The following TANC1 variants were observed in gnomAD, a reference collection of about 807,000 sequenced individuals.
TANC1 encodes protein TANC1.
A neutral mutation model predicts 149.7 loss-of-function variants in TANC1; 77 were observed. That is an observed-to-expected ratio of 0.51 (90% CI 0.43 to 0.62). The LOEUF (loss-of-function observed/expected upper bound fraction) is 0.62. Ranked by LOEUF, TANC1 falls within the 20% of genes least tolerant of loss-of-function variation. TANC1 has a pLI of 0.00. For synonymous variants in TANC1, 854 were observed against 925.0 expected (o/e 0.92, Z 1.39); for missense variants, 1,985 against 2,321.8 (o/e 0.85, Z 2.98).
chr2:159,167,686 C>T (rs1192792193), intron 8 of TANC1, among the ~76,000 whole-genome samples: 1 of 152,118 alleles, frequency 6.6e-6, no homozygotes, highest in East Asian at 1.9e-4. Flanking sequence ...GATGAGTAGG[C>T]AGGGCACGTG....
At chr2:159,036,251 G>A (rs1243254209) in intron 2 of TANC1, among the ~76,000 whole-genome samples, 1 of 152,134 alleles carries the variant, frequency 6.6e-6, no homozygotes, top group Non-Finnish European at 1.5e-5. Context: ...TGAATGCTTA[G>A]ATACTATGCC....
chr2:159,056,023 A>G, intron 2 of TANC1: 1 of 319,222 alleles, frequency 3.1e-6, no homozygotes, highest in Non-Finnish European at 6.3e-6. Flanking sequence ...CCACTGGGCC[A>G]TCTTGTTGTT....
chr2:158,995,594 T>C (rs563267616), intron 1 of TANC1, among the ~76,000 whole-genome samples: 1 of 152,278 alleles, frequency 6.6e-6, no homozygotes, highest in Middle Eastern at 3.4e-3. Context: ...CCCCTGGGTT[T>C]TTACAGAATG....
intron 2 of TANC1, among the ~76,000 whole-genome samples, chr2:159,032,795 C>T (rs945754146): frequency 6.6e-6 from 1 of 152,066 alleles, no homozygotes; most frequent in Non-Finnish European, 1.5e-5. Context: ...TAGGAGTTCC[C>T]TTCTGCATTG....
At chr2:159,010,410 A>G (rs776590723) in intron 2 of TANC1, among the ~76,000 whole-genome samples, 6 of 152,198 alleles carry the variant, frequency 3.9e-5, no homozygotes, top group Non-Finnish European at 7.3e-5. Context: ...TCCTTGAGAA[A>G]AGTAGCCTCA....
chr2:159,133,416 G>A (rs1373707212), intron 4 of TANC1, among the ~76,000 whole-genome samples: 1 of 150,608 alleles, frequency 6.6e-6, no homozygotes, highest in Non-Finnish European at 1.5e-5. Flanking sequence ...GCACAGTGGT[G>A]CAATCACGGC....
Position 159,062,960 on chromosome 2 carries a change from C to T in TANC1, c.-15-2936C>T, listed in dbSNP as rs370459458. Among the ~76,000 whole-genome samples, 3 of 47,930 alleles carry T rather than the reference C, an allele frequency of 6.3e-5. No homozygotes were observed. The East Asian group carries it at 1.1e-3, about 18-fold the overall frequency. 31.4% of individuals were successfully genotyped at this position (47,930 alleles called of 152,430 possible). On this transcript the variant is annotated intron_variant, in intron 2 of 26. Coordinates refer to ENST00000263635, the MANE Select transcript of TANC1 (RefSeq NM_033394.3). ...CCGCAGTCCGGCCTGGGCGACAGAG[C>T]GAGACTCCGTCTCAAAAAAAAAAAA... is the stretch of plus-strand genomic sequence containing the variant.
At chr2:159,146,223 G>A (rs1650359468) in intron 5 of TANC1, among the ~76,000 whole-genome samples, 1 of 152,216 alleles carries the variant, frequency 6.6e-6, no homozygotes, top group South Asian at 2.1e-4. Context: ...TTCAGTGAGA[G>A]AGGGCTCTGT....
chr2:159,162,948 T>C (rs969001424), intron 7 of TANC1, among the ~76,000 whole-genome samples: 1 of 152,240 alleles, frequency 6.6e-6, no homozygotes, highest in African/African-American at 2.4e-5. Context: ...TGAATTCTTT[T>C]GTGAGTAATC....
intron 26 of TANC1, 119 bp downstream of exon 26, chr2:159,229,015 A>G: frequency 1.4e-6 from 1 of 720,204 alleles, no homozygotes; most frequent in East Asian, 2.5e-5. Flanking sequence ...CATCCTTTTT[A>G]GTAGTGAATT....
intron 3 of TANC1, among the ~76,000 whole-genome samples, chr2:159,080,906 G>C (rs1342749188): frequency 1.3e-5 from 2 of 152,206 alleles, no homozygotes; most frequent in Admixed American, 6.5e-5. Flanking sequence ...AGGTTTTGGA[G>C]TGGTTGGTTG....
At chr2:159,173,482 A>G (rs2055492433) in intron 11 of TANC1, among the ~76,000 whole-genome samples, 1 of 152,164 alleles carries the variant, frequency 6.6e-6, no homozygotes, top group Non-Finnish European at 1.5e-5. Context: ...CCAGGCACCT[A>G]TAATCCCAGC....
chr2:159,226,070 T>C (rs59044917), intron 24 of TANC1: 5,699 of 375,524 alleles, frequency 0.015, 229 homozygotes, highest in African/African-American at 0.097. Context: ...CTCGGGAGGC[T>C]GAGGCAGGAG....
At chr2:159,052,045 G>A (rs2041514955) in intron 2 of TANC1, among the ~76,000 whole-genome samples, 1 of 152,154 alleles carries the variant, frequency 6.6e-6, no homozygotes, top group South Asian at 2.1e-4. Context: ...GGCAGTGGGG[G>A]CGGGAGAGGC....
chr2:159,226,459 G>A (rs2060032510), intron 24 of TANC1: 1 of 152,144 alleles, frequency 6.6e-6, no homozygotes, highest in Non-Finnish European at 1.5e-5. Context: ...CGTGGGAGAG[G>A]AACACCCAGC....
At chr2:158,997,066 G>T (rs768919320) in intron 1 of TANC1, among the ~76,000 whole-genome samples, 7 of 152,058 alleles carry the variant, frequency 4.6e-5, no homozygotes, top group Non-Finnish European at 8.8e-5. Flanking sequence ...GGTCACTTAA[G>T]AGAGTGGGGA....
intron 1 of TANC1, among the ~76,000 whole-genome samples, chr2:158,993,110 T>A (rs2035826608): frequency 6.6e-6 from 1 of 152,202 alleles, no homozygotes; most frequent in Non-Finnish European, 1.5e-5. Context: ...AACAGCGTTT[T>A]AAGGTGTAGG....
chr2:159,040,638 G>T (rs1006725505), intron 2 of TANC1, among the ~76,000 whole-genome samples: 5 of 152,140 alleles, frequency 3.3e-5, no homozygotes, highest in Non-Finnish European at 5.9e-5. Context: ...CTCTATACTG[G>T]TTATTCTAGT....
chr2:159,216,152 A>G (rs7600280), intron 19 of TANC1, among the ~76,000 whole-genome samples: 93,361 of 151,908 alleles, frequency 0.61, 29,109 homozygotes, highest in African/African-American at 0.69. Flanking sequence ...TCTCTCGTTA[A>G]TGAGCCTGGT....
Sources: allele counts gnomAD v4.1 joint callset (sites outside exome capture counted in the v4.1 genomes callset), GRCh38; gene constraint gnomAD v4.1.1; transcripts MANE v1.5; gene names NCBI Gene and HGNC (gene_info 2026-07-23, HGNC 2026-07-21).